The following GDF15 variants were observed in gnomAD, a reference collection of about 807,000 sequenced individuals.
The protein encoded by GDF15 is growth/differentiation factor 15.
Under a neutral mutation model 8.9 loss-of-function variants are expected in GDF15, and 10 were observed. That is an observed-to-expected ratio of 1.12 (90% CI 0.69 to 1.90). The LOEUF (loss-of-function observed/expected upper bound fraction) is 1.90. GDF15 is among the 40% of genes most tolerant of loss of function. The pLI is 0.00. For missense variants in GDF15, 452 were observed against 434.2 expected (o/e 1.04, Z -0.36); for synonymous variants, 228 against 210.6 (o/e 1.08, Z -0.72).
At position 18,388,507 on chromosome 19, in the gene GDF15, G is replaced by C. The variant is rs764221522; in HGVS notation, c.499G>C (p.Asp167His). The C allele has an allele frequency of 1.2e-6, 2 of 1,602,412 alleles. No homozygotes were observed. Among genetic ancestry groups the C allele is most frequent in the South Asian group, 1.1e-5 (1 of 90,302 alleles). Reference protein sequence around the residue: ...LRLSPPPSQSDQLLAESSSAR... With the variant: ...LRLSPPPSQSHQLLAESSSAR... ...ACTGTCGCCGCCGCCGTCGCAGTCG[G>C]ACCAACTGCTGGCAGAATCTTCGTC... Residue 167 changes from aspartate to histidine, a missense_variant, in exon 2 of 2, where the codon GAC (aspartate) becomes CAC (histidine). Coordinates refer to ENST00000252809, the MANE Select transcript of GDF15 (RefSeq NM_004864.4). This position sits in a 1 kb window ranked among gnomAD's most constrained non-coding sequence, Gnocchi z 4.2.
intron 1 of GDF15, among the ~76,000 whole-genome samples, chr19:18,387,839 T>TTTTTTTTTTTTTTTTTTTTGTG (rs1199190336): frequency 9.7e-6 from 1 of 103,570 alleles, no homozygotes; most frequent in Admixed American, 1.0e-4. Context: ...TTTTTTTTTT[T>TTTTTTTTTTTTTTTTTTTTGTG]GAGAGGGAGT....
rs774931007 is a variant in GDF15 at position 18,388,629 on chromosome 19, C to T, written c.621C>T (p.Pro207=). The T allele has an allele frequency of 1.0e-5, 16 of 1,598,408 alleles. No individual in the cohort carries two copies. The highest frequency in any genetic ancestry group is 1.3e-5 in the Non-Finnish European group (15 of 1,175,320). ...ARNGDHCPLG[P]GRCCRLHTVR... ...ACGGGGACCACTGTCCGCTCGGGCC[C>T]GGGCGTTGCTGCCGTCTGCACACGG... is the stretch of plus-strand genomic sequence containing the variant. The change falls in exon 2 of 2, where the codon CCC becomes CCT. Residue 207 remains proline (P), a synonymous_variant. Coordinates refer to ENST00000252809, the MANE Select transcript of GDF15 (RefSeq NM_004864.4). This position sits in a 1 kb window ranked among gnomAD's most constrained non-coding sequence, Gnocchi z 4.2.
intron 1 of GDF15, chr19:18,386,758 G>T (rs1182439611): frequency 1.1e-5 from 5 of 460,872 alleles, no homozygotes; most frequent in Non-Finnish European, 2.0e-5. Flanking sequence ...CCGGGGACGG[G>T]GTCGGGCGTG....
rs202099116 is a variant in GDF15, at chr19:18,386,185, C to A, written c.-5C>A. ...TCCCAGCTCAGAGCCGCAACCTGCA[C>A]AGCCATGCCCGGGCAAGAACTCAGG... On this transcript the variant is annotated 5_prime_UTR_variant, in exon 1 of 2. Transcript: ENST00000252809. 1,077 of 1,609,330 alleles carry A rather than the reference C, an allele frequency of 6.7e-4. 3 individuals are homozygous for A. Among genetic ancestry groups the A allele is most frequent in the Non-Finnish European group, 8.4e-4 (993 of 1,177,836 alleles).
In GDF15 at chr19:18,386,268, G is replaced by T; in HGVS notation, c.79G>T (p.Gly27Trp). 6.2e-7 allele frequency: 1 copy of T among 1,614,006 alleles called. No individual in the cohort carries two copies. Among genetic ancestry groups the T allele is most frequent in the East Asian group, 2.2e-5 (1 of 44,886 alleles). ...GCTGGTGCTCTCGTGGCTGCCGCAT[G>T]GGGGCGCCCTGTCTCTGGCCGAGGC... is the stretch of plus-strand genomic sequence containing the variant. ...VLLVLSWLPH[G>W]GALSLAEASR... is the part of the protein sequence containing the mutation. Residue 27 changes from glycine (G) to tryptophan (W), a missense_variant, in exon 1 of 2, where the codon GGG becomes TGG. Coordinates refer to ENST00000252809, the MANE Select transcript of GDF15 (RefSeq NM_004864.4).
Position 18,388,620 on chromosome 19 carries a change from G to A in GDF15, c.612G>A (p.Pro204=), listed in dbSNP as rs770227598. ...RARARNGDHC[P]LGPGRCCRLH... Reference sequence around the variant, plus strand: ...GTGCGCGCAACGGGGACCACTGTCCGCTCGGGCCCGGGCGTTGCTGCCGTC... The same window carrying A: ...GTGCGCGCAACGGGGACCACTGTCCACTCGGGCCCGGGCGTTGCTGCCGTC... Residue 204 remains proline, a synonymous_variant, in exon 2 of 2, where the codon CCG becomes CCA. Transcript: ENST00000252809. The surrounding 1 kb of genome is among the most constrained non-coding windows in gnomAD (Gnocchi z 4.2). The A allele has an allele frequency of 6.3e-7, 1 of 1,598,022 alleles. No individual in the cohort carries two copies. Among genetic ancestry groups the A allele is most frequent in the Non-Finnish European group, 8.5e-7 (1 of 1,175,502 alleles).
Position 18,388,826 on chromosome 19 carries a change from G to T in GDF15, c.818G>T (p.Cys273Phe). 1 of 1,612,182 alleles carries T rather than the reference G, an allele frequency of 6.2e-7. No homozygotes were observed. The change falls in exon 2 of 2, where the codon TGC (cysteine) becomes TTC (phenylalanine). Residue 273 changes from cysteine (C) to phenylalanine (F), a missense_variant. Coordinates refer to ENST00000252809, the MANE Select transcript of GDF15 (RefSeq NM_004864.4). The surrounding 1 kb of genome is among the most constrained non-coding windows in gnomAD (Gnocchi z 4.2). ...RLKPDTVPAP[C>F]CVPASYNPMV... Reference sequence around the variant, plus strand: ...AAGCCCGACACGGTGCCAGCGCCCTGCTGCGTGCCCGCCAGCTACAATCCC... The same window carrying T: ...AAGCCCGACACGGTGCCAGCGCCCTTCTGCGTGCCCGCCAGCTACAATCCC...
chr19:18,388,872 C>T lies in GDF15; in HGVS notation c.864C>T (p.Thr288=), dbSNP rs115816988. The T allele has an allele frequency of 1.9e-6, 3 of 1,611,830 alleles. No individual in the cohort carries two copies. The highest frequency in any genetic ancestry group is 2.2e-5 in the East Asian group (1 of 44,886). ...ATCCCATGGTGCTCATTCAAAAGAC[C>T]GACACCGGGGTGTCGCTCCAGACCT... ...SYNPMVLIQK[T]DTGVSLQTYD... Residue 288 remains threonine, a synonymous_variant, in exon 2 of 2, where the codon ACC becomes ACT. Coordinates refer to ENST00000252809, the MANE Select transcript of GDF15 (RefSeq NM_004864.4). This position sits in a 1 kb window ranked among gnomAD's most constrained non-coding sequence, Gnocchi z 4.2.
rs572499815 is a variant in GDF15 at position 18,388,824 on chromosome 19, C to T, written c.816C>T (p.Pro272=). 6.2e-7 allele frequency: 1 copy of T among 1,612,180 alleles called. No homozygotes were observed. The highest frequency in any genetic ancestry group is 1.7e-5 in the Admixed American group (1 of 60,022). Residue 272 remains proline, a synonymous_variant, in exon 2 of 2, where the codon CCC becomes CCT. Coordinates refer to ENST00000252809, the MANE Select transcript of GDF15 (RefSeq NM_004864.4). This position sits in a 1 kb window ranked among gnomAD's most constrained non-coding sequence, Gnocchi z 4.2. ...HRLKPDTVPA[P]CCVPASYNPM... The stretch of plus-strand genomic sequence containing the variant: ...TGAAGCCCGACACGGTGCCAGCGCC[C>T]TGCTGCGTGCCCGCCAGCTACAATC...
chr19:18,386,343 A>G lies in GDF15; in HGVS notation c.154A>G (p.Arg52Gly). 1 of 1,614,174 alleles carries G rather than the reference A, an allele frequency of 6.2e-7. No homozygotes were observed. The highest frequency in any genetic ancestry group is 1.1e-5 in the South Asian group (1 of 91,082). ...GPSELHSEDS[R>G]FRELRKRYED... ...CTCAGAGTTGCACTCCGAAGACTCCAGATTCCGAGAGTTGCGGAAACGCTA... is the reference window on the plus strand; with the variant it reads ...CTCAGAGTTGCACTCCGAAGACTCCGGATTCCGAGAGTTGCGGAAACGCTA... Residue 52 changes from arginine (R) to glycine (G), a missense_variant, in exon 1 of 2, where the codon AGA becomes GGA. Physicochemically the swap from Arg to Gly is moderately radical, Grantham distance 125. Transcript: ENST00000252809.
In GDF15 at chr19:18,388,398, G is replaced by A. The variant is rs1971856018; in HGVS notation, c.390G>A (p.Thr130=). Residue 130 remains threonine (T), a synonymous_variant, in exon 2 of 2, where the codon ACG becomes ACA. Transcript: ENST00000252809. This position sits in a 1 kb window ranked among gnomAD's most constrained non-coding sequence, Gnocchi z 4.2. The stretch of plus-strand genomic sequence containing the variant: ...GGGCTCTGTTCCGGCTGTCCCCGAC[G>A]GCGTCAAGGTCGTGGGACGTGACAC... ...LHRALFRLSP[T]ASRSWDVTRP... is the part of the protein sequence containing the mutation. 2 of 1,611,512 alleles carry A rather than the reference G, an allele frequency of 1.2e-6. No homozygotes were observed. The highest frequency in any genetic ancestry group is 1.7e-6 in the Non-Finnish European group (2 of 1,179,572).
chr19:18,388,242 G>C lies in GDF15; in HGVS notation c.278-44G>C, dbSNP rs770666764. On this transcript the variant is annotated intron_variant, in intron 1 of 1. Coordinates refer to ENST00000252809, the MANE Select transcript of GDF15 (RefSeq NM_004864.4). This position sits in a 1 kb window ranked among gnomAD's most constrained non-coding sequence, Gnocchi z 4.2. ...ATGGGCACCCTCGTTCCTGGAAAACGGTAGGCCTGTGGGTGACCAGCTTCC... is the reference window on the plus strand; with the variant it reads ...ATGGGCACCCTCGTTCCTGGAAAACCGTAGGCCTGTGGGTGACCAGCTTCC... The C allele has an allele frequency of 1.3e-6, 2 of 1,577,196 alleles. No homozygotes were observed. The highest frequency in any genetic ancestry group is 1.7e-5 in the Admixed American group (1 of 58,334).
At position 18,389,040 on chromosome 19, in the gene GDF15, A is replaced by G; in HGVS notation, c.*105A>G. 1.4e-6 allele frequency: 1 copy of G among 710,720 alleles called. No homozygotes were observed. Among genetic ancestry groups the G allele is most frequent in the Non-Finnish European group, 2.3e-6 (1 of 427,904 alleles). 44.0% of individuals were successfully genotyped at this position (710,720 alleles called of 1,614,324 possible). A position where few individuals can be genotyped will look rare whatever the true frequency, so the allele number is the denominator to read the frequency against. ...TCCTGAGACACCCGATTCCTGCCCA[A>G]ACAGCTGTATTTATATAAGTCTGTT... On this transcript the variant is annotated 3_prime_UTR_variant, in exon 2 of 2. Coordinates refer to ENST00000252809, the MANE Select transcript of GDF15 (RefSeq NM_004864.4).
chr19:18,386,337 G>C lies in GDF15; in HGVS notation c.148G>C (p.Asp50His). Residue 50 changes from aspartate to histidine, a missense_variant, in exon 1 of 2, where the codon GAC (aspartate) becomes CAC (histidine). Physicochemically the swap from Asp to His is moderately conservative, Grantham distance 81. Transcript: ENST00000252809. Reference protein sequence around the residue: ...FPGPSELHSEDSRFRELRKRY... With the variant: ...FPGPSELHSEHSRFRELRKRY... Reference sequence around the variant, plus strand: ...GGGACCCTCAGAGTTGCACTCCGAAGACTCCAGATTCCGAGAGTTGCGGAA... The same window carrying C: ...GGGACCCTCAGAGTTGCACTCCGAACACTCCAGATTCCGAGAGTTGCGGAA... The C allele has an allele frequency of 6.2e-7, 1 of 1,614,132 alleles. No homozygotes were observed. The highest frequency in any genetic ancestry group is 8.5e-7 in the Non-Finnish European group (1 of 1,180,036).
chr19:18,386,643 C>A, intron 1 of GDF15, 177 bp downstream of exon 1: 1 of 620,242 alleles, frequency 1.6e-6, no homozygotes, highest in Non-Finnish European at 2.8e-6. Context: ...GCCTGATTTG[C>A]ACCCACAACG....
Position 18,388,206 on chromosome 19 carries a change from T to C in GDF15, c.278-80T>C, listed in dbSNP as rs546727524. 3 of 1,266,924 alleles carry C rather than the reference T, an allele frequency of 2.4e-6. No homozygotes were observed. Among genetic ancestry groups the C allele is most frequent in the South Asian group, 2.6e-5 (2 of 77,390 alleles). The allele number at this position is 1,266,924 out of a possible 1,614,324, so 78.5% of individuals were successfully genotyped here. A position where few individuals can be genotyped will look rare whatever the true frequency, so the allele number is the denominator to read the frequency against. On this transcript the variant is annotated intron_variant, in intron 1 of 1. Transcript: ENST00000252809. The surrounding 1 kb of genome is among the most constrained non-coding windows in gnomAD (Gnocchi z 4.2). The stretch of plus-strand genomic sequence containing the variant: ...CGCCGTGGTGAGATCCAGCTTGGCG[T>C]GTTAGGGGAAATGGGCACCCTCGTT...
rs143047052 is a variant in GDF15 at position 18,387,049 on chromosome 19, C to G, written c.277+583C>G. 7.3e-3 allele frequency: 1,156 copies of G among 157,468 alleles called. 12 individuals are homozygous for G. The highest frequency in any genetic ancestry group is 0.026 in the African/African-American group (1,085 of 41,534). 9.8% of individuals were successfully genotyped at this position (157,468 alleles called of 1,614,324 possible). On this transcript the variant is annotated intron_variant, in intron 1 of 1. Transcript: ENST00000252809. ...GTGGTGGGACCCAGGAGGGGGCAGG[C>G]AGAGGGGCACACTCTTAGCCCGCCC...
chr19:18,386,700 T>G (rs1600249270), intron 1 of GDF15: 1 of 561,106 alleles, frequency 1.8e-6, no homozygotes, highest in Admixed American at 3.1e-5. Context: ...GAAACTGAGG[T>G]ACAGGGATGC....
rs1231703466 is a variant in GDF15 at position 18,386,240 on chromosome 19, G to C, written c.51G>C (p.Val17=). 1.2e-6 allele frequency: 2 copies of C among 1,613,658 alleles called. No individual in the cohort carries two copies. Among genetic ancestry groups the C allele is most frequent in the East Asian group, 4.5e-5 (2 of 44,884 alleles). ...RTVNGSQMLL[V]LLVLSWLPHG... is the part of the protein sequence containing the mutation. ...TGAATGGCTCTCAGATGCTCCTGGTGTTGCTGGTGCTCTCGTGGCTGCCGC... is the reference window on the plus strand; with the variant it reads ...TGAATGGCTCTCAGATGCTCCTGGTCTTGCTGGTGCTCTCGTGGCTGCCGC... Residue 17 remains valine, a synonymous_variant, in exon 1 of 2, where the codon GTG becomes GTC. Coordinates refer to ENST00000252809, the MANE Select transcript of GDF15 (RefSeq NM_004864.4).
Sources: allele counts gnomAD v4.1 joint callset (sites outside exome capture counted in the v4.1 genomes callset), GRCh38; gene constraint gnomAD v4.1.1; non-coding constraint Gnocchi (gnomAD v3.1); transcripts MANE v1.5; gene names NCBI Gene and HGNC (gene_info 2026-07-23, HGNC 2026-07-21).